The following TENM3 variants were observed in gnomAD, a reference collection of about 807,000 sequenced individuals.
TENM3 encodes the protein teneurin transmembrane protein 3.
In TENM3, 63 loss-of-function variants were observed where a neutral mutation model predicts 255.1. The ratio of observed to expected loss-of-function variants is 0.25; its 90% CI spans 0.20 to 0.30. The LOEUF is 0.30. Among genes scored for constraint, TENM3 ranks in the 10% least tolerant of loss-of-function variants. The pLI is 1.00. For missense variants in TENM3, 2,929 were observed against 3,461.1 expected, an observed-to-expected ratio of 0.85 and a Z score of 3.86; for synonymous variants, 1,306 against 1,322.3, an observed-to-expected ratio of 0.99 and a Z score of 0.27.
At chr4:182,264,757 T>G (rs896186952) in intron 1 of TENM3, among the ~76,000 whole-genome samples, 31 of 152,234 alleles carry the variant, frequency 2.0e-4, no homozygotes, top group African/African-American at 7.2e-4. Flanking sequence ...ACTAAAAATA[T>G]TGGCCACTTG....
chr4:181,534,247 A>C, the TENM3 span, among the ~76,000 whole-genome samples: 1 of 152,056 alleles, frequency 6.6e-6, no homozygotes. Flanking sequence ...AAAAAAAAAA[A>C]AAAACAATTG....
chr4:181,486,879 A>G, the TENM3 span, among the ~76,000 whole-genome samples: 4 of 152,210 alleles, frequency 2.6e-5, no homozygotes, highest in African/African-American at 9.6e-5. Flanking sequence ...ATGTTAATGA[A>G]TCCTTCTAGG....
intron 24 of TENM3, among the ~76,000 whole-genome samples, chr4:182,788,496 G>A (rs554256702): frequency 1.5e-4 from 23 of 152,310 alleles, no homozygotes; most frequent in African/African-American, 5.5e-4. Context: ...AAAGGACTCT[G>A]AAGTCCCTGC....
intron 4 of TENM3, among the ~76,000 whole-genome samples, chr4:182,615,920 G>A (rs1749471499): frequency 6.6e-6 from 1 of 152,204 alleles, no homozygotes; most frequent in Admixed American, 6.5e-5. Flanking sequence ...GTCTTGAAGG[G>A]AGACTTGAAG....
At chr4:182,380,134 G>A (rs1767464368) in intron 3 of TENM3, among the ~76,000 whole-genome samples, 1 of 152,060 alleles carries the variant, frequency 6.6e-6, no homozygotes. Flanking sequence ...AGGCGGGCCT[G>A]GTGGCAGGTG....
chr4:181,907,991 A>T, the TENM3 span, among the ~76,000 whole-genome samples: 1 of 152,196 alleles, frequency 6.6e-6, no homozygotes, highest in Non-Finnish European at 1.5e-5. Context: ...CCATCTTATT[A>T]AGACAACGTG....
At chr4:182,367,621 A>G (rs1766520969) in intron 3 of TENM3, among the ~76,000 whole-genome samples, 1 of 152,124 alleles carries the variant, frequency 6.6e-6, no homozygotes, top group South Asian at 2.1e-4. Flanking sequence ...TGGGTGCAGA[A>G]CCTGGAGAAA....
At chr4:181,545,460 T>A in the TENM3 span, among the ~76,000 whole-genome samples, 1 of 152,160 alleles carries the variant, frequency 6.6e-6, no homozygotes, top group South Asian at 2.1e-4. Flanking sequence ...TGTCCTTAAT[T>A]AGGAGATTAA....
chr4:181,530,989 G>C, the TENM3 span, among the ~76,000 whole-genome samples: 54 of 152,124 alleles, frequency 3.5e-4, no homozygotes, highest in African/African-American at 1.3e-3. Context: ...CTAATTGTTT[G>C]TCTTACTCTG....
At chr4:182,518,286 C>T (rs11736841) in intron 3 of TENM3, among the ~76,000 whole-genome samples, 46,935 of 151,774 alleles carry the variant, frequency 0.31, 7,546 homozygotes, top group South Asian at 0.38. Context: ...CCCCTGGGTG[C>T]GCCCATTCTG....
intron 3 of TENM3, among the ~76,000 whole-genome samples, chr4:182,579,744 A>G (rs1745304553): frequency 6.6e-6 from 1 of 152,196 alleles, no homozygotes; most frequent in Non-Finnish European, 1.5e-5. Context: ...TTCAGGGATC[A>G]TATTTTGCAG....
chr4:182,715,240 A>G (rs1368716060), intron 13 of TENM3, among the ~76,000 whole-genome samples: 1 of 152,136 alleles, frequency 6.6e-6, no homozygotes, highest in Non-Finnish European at 1.5e-5. Flanking sequence ...TGTAGTTCCT[A>G]TCCGGGCCTC....
chr4:181,625,988 A>G, the TENM3 span, among the ~76,000 whole-genome samples: 1 of 152,158 alleles, frequency 6.6e-6, no homozygotes, highest in Non-Finnish European at 1.5e-5. Flanking sequence ...AGGCAATGGC[A>G]ATGTGAATAA....
chr4:181,660,044 T>C, the TENM3 span, among the ~76,000 whole-genome samples: 1 of 152,132 alleles, frequency 6.6e-6, no homozygotes, highest in Non-Finnish European at 1.5e-5. Context: ...GCTGCAGAAA[T>C]AAACATCATT....
intron 3 of TENM3, among the ~76,000 whole-genome samples, chr4:182,427,786 C>T (rs1197627298): frequency 6.6e-6 from 1 of 152,088 alleles, no homozygotes; most frequent in Non-Finnish European, 1.5e-5. Context: ...CAGACACATA[C>T]ACAGTATGGA....
intron 4 of TENM3, among the ~76,000 whole-genome samples, chr4:182,608,723 A>G (rs1748675221): frequency 1.3e-5 from 2 of 152,174 alleles, no homozygotes; most frequent in African/African-American, 4.8e-5. Flanking sequence ...GCTAGGACCC[A>G]GCACTGGCTT....
At chr4:182,601,528 T>A (rs1305951611) in intron 4 of TENM3, among the ~76,000 whole-genome samples, 1 of 152,198 alleles carries the variant, frequency 6.6e-6, no homozygotes, top group Non-Finnish European at 1.5e-5. Flanking sequence ...GTCTGGCATC[T>A]TCTTGGTTCT....
the TENM3 span, among the ~76,000 whole-genome samples, chr4:181,515,593 TAGTGGCTTGAG>T: frequency 1.3e-5 from 2 of 152,058 alleles, no homozygotes; most frequent in African/African-American, 4.8e-5. Flanking sequence ...GAAGTCCAAA[TAGTGGCTTGAG>T]AGTTCGAATT....
intron 3 of TENM3, among the ~76,000 whole-genome samples, chr4:182,479,129 GT>G (rs10707633): frequency 0.73 from 110,992 of 151,744 alleles, 42,126 homozygotes; most frequent in East Asian, 0.92. Context: ...TAACAATATA[GT>G]TAAGTGTTCA....
Sources: gnomAD v4.1 joint callset for allele counts (sites outside exome capture counted in the v4.1 genomes callset) on GRCh38, gnomAD v4.1.1 for gene constraint, MANE v1.5 for transcripts, NCBI Gene and HGNC (gene_info 2026-07-23, HGNC 2026-07-21) for gene names.